Variants in ME1 observed in about 807,000 individuals in gnomAD.
ME1 encodes the protein malic enzyme 1, also known as NADP-dependent malic enzyme.
ME1 carries 74 observed loss-of-function variants against 66.4 expected under a neutral mutation model. That is an observed-to-expected ratio of 1.11 (90% confidence interval 0.92 to 1.35). ME1 has a LOEUF of 1.35. Among genes scored for constraint, ME1 ranks in the 40% most tolerant of loss-of-function variants. The pLI is 0.00. For synonymous variants in ME1, 251 were observed against 235.6 expected (o/e 1.07, Z -0.60); for missense variants, 750 against 694.1 (o/e 1.08, Z -0.90).
intron 3 of ME1, among the ~76,000 whole-genome samples, chr6:83,374,725 T>A (rs1297240445): frequency 6.6e-6 from 1 of 152,248 alleles, no homozygotes; most frequent in Non-Finnish European, 1.5e-5. Context: ...TTTCATGGTT[T>A]TTGGTTTTAC....
rs534172459 is a variant in ME1, at chr6:83,278,218, T to A, written c.705-24480A>T. ...CAGAACCGTGCAGCAAGAGCCAGTATCAGCAGCAAAGCTTTAAACTGTAAT... is the reference window on the plus strand; with the variant it reads ...CAGAACCGTGCAGCAAGAGCCAGTAACAGCAGCAAAGCTTTAAACTGTAAT... On this transcript the variant is annotated intron_variant, in intron 6 of 13. Transcript: ENST00000369705. Among the ~76,000 whole-genome samples, 25 of 152,226 alleles carry A rather than the reference T, an allele frequency of 1.6e-4. 1 individual carries two copies. Among genetic ancestry groups the A allele is most frequent in the Middle Eastern group, 6.8e-3 (2 of 294 alleles).
chr6:83,378,764 A>C (rs988030147), intron 3 of ME1, among the ~76,000 whole-genome samples: 1 of 151,702 alleles, frequency 6.6e-6, no homozygotes, highest in Non-Finnish European at 1.5e-5. Context: ...AACTGACTGA[A>C]CTGGCTTAAT....
At chr6:83,266,224 G>A (rs931535920) in intron 6 of ME1, among the ~76,000 whole-genome samples, 1 of 152,082 alleles carries the variant, frequency 6.6e-6, no homozygotes, top group Non-Finnish European at 1.5e-5. Context: ...AATTTAAAAA[G>A]GACTTTGCAT....
intron 6 of ME1, among the ~76,000 whole-genome samples, chr6:83,313,503 C>A (rs1767968296): frequency 6.6e-6 from 1 of 152,110 alleles, no homozygotes; most frequent in Non-Finnish European, 1.5e-5. Flanking sequence ...ATAAAAACTC[C>A]TTCTCCCCTT....
In ME1 at chr6:83,346,169, T is replaced by C. The variant is rs780491554; in HGVS notation, c.600+4A>G. On this transcript the variant is annotated splice_donor_region_variant and intron_variant, in intron 5 of 13. Transcript: ENST00000369705. ...TAGCTGCCTTATAGACGTAAATTAT[T>C]TACCTCATTTTCGGTTCCCACATCC... 43 of 1,599,910 alleles carry C rather than the reference T, an allele frequency of 2.7e-5. No homozygotes were observed. The highest frequency in any genetic ancestry group is 3.7e-5 in the Non-Finnish European group (43 of 1,171,858).
At chr6:83,345,342 C>T (rs1768666444) in intron 5 of ME1, among the ~76,000 whole-genome samples, 1 of 152,148 alleles carries the variant, frequency 6.6e-6, no homozygotes, top group Non-Finnish European at 1.5e-5. Context: ...ATGCATAGAT[C>T]AAGTTAAACA....
intron 2 of ME1, among the ~76,000 whole-genome samples, chr6:83,400,674 A>G (rs1373857268): frequency 6.6e-6 from 1 of 152,184 alleles, no homozygotes; most frequent in African/African-American, 2.4e-5. Context: ...CCTACATTCT[A>G]TTCTCAACAT....
chr6:83,277,907 T>TAATAATAAC lies in ME1; in HGVS notation c.705-24170_705-24169insGTTATTATT, dbSNP rs1452872459. ...ATAGTGAGACTGTATCTCAAAATAA[T>TAATAATAAC]AATAATAATAATAATAATAATATTT... On this transcript the variant is annotated intron_variant, in intron 6 of 13. Transcript: ENST00000369705. 2.3e-3 allele frequency among the ~76,000 whole-genome samples: 349 copies of TAATAATAAC among 149,550 alleles called. 4 individuals carry two copies. Among genetic ancestry groups the TAATAATAAC allele is most frequent in the African/African-American group, 8.0e-3 (328 of 40,762 alleles).
At chr6:83,403,472 T>C (rs2128551306) in intron 2 of ME1, among the ~76,000 whole-genome samples, 1 of 152,292 alleles carries the variant, frequency 6.6e-6, no homozygotes, top group Non-Finnish European at 1.5e-5. Context: ...GGCAGCTTTC[T>C]TAGGCCTCTT....
chr6:83,237,868 C>T, intron 8 of ME1, 38 bp from the exon 9 acceptor site: 5 of 1,116,304 alleles, frequency 4.5e-6, no homozygotes, highest in Admixed American at 2.2e-5. Flanking sequence ...AGTTGTTCTA[C>T]ATGATATCTT....
rs1789895292 is a variant in ME1, at chr6:83,211,912, TTTGCTATTATCCTACTGGTCAAC to T, written c.1708_*11del. ...GACCTCATTAATAGAGTTAGAAATG[TTTGCTATTATCCTACTGGTCAAC>T]TTTGGTCTGTATTTTCTGCACCTCT... On this transcript the variant is annotated stop_lost and 3_prime_UTR_variant, in exon 14 of 14. Transcript: ENST00000369705. 1 of 1,556,080 alleles carries T rather than the reference TTTGCTATTATCCTACTGGTCAAC, an allele frequency of 6.4e-7. No individual in the cohort carries two copies. Among genetic ancestry groups the T allele is most frequent in the African/African-American group, 1.4e-5 (1 of 73,054 alleles).
intron 1 of ME1, 87 bp from the exon 2 acceptor site, chr6:83,407,988 T>C (rs1440155627): frequency 1.4e-6 from 2 of 1,428,824 alleles, no homozygotes; most frequent in South Asian, 1.7e-5. Flanking sequence ...GACAAGTATA[T>C]GCAATTAAAA....
chr6:83,318,057 T>C (rs1768070672), intron 5 of ME1, among the ~76,000 whole-genome samples: 1 of 152,078 alleles, frequency 6.6e-6, no homozygotes, highest in African/African-American at 2.4e-5. Context: ...GGGGAAAGGA[T>C]TCCCTATTAA....
At chr6:83,421,361 C>T (rs900806568) in intron 1 of ME1, among the ~76,000 whole-genome samples, 10 of 152,282 alleles carry the variant, frequency 6.6e-5, no homozygotes, top group Admixed American at 2.0e-4. Context: ...GACTGAGTTT[C>T]ACACATTCAT....
chr6:83,383,163 T>C (rs1769441446), intron 3 of ME1, among the ~76,000 whole-genome samples: 1 of 151,756 alleles, frequency 6.6e-6, no homozygotes, highest in Admixed American at 6.6e-5. Flanking sequence ...CACACACATA[T>C]ATACTATTGG....
Position 83,268,728 on chromosome 6 carries a change from GTTA to G in ME1, c.705-14993_705-14991del, listed in dbSNP as rs57723634. Among the ~76,000 whole-genome samples, 1,280 of 143,752 alleles carry G rather than the reference GTTA, an allele frequency of 8.9e-3. 9 individuals are homozygous for G. Among genetic ancestry groups the G allele is most frequent in the South Asian group, 0.016 (70 of 4,416 alleles). The allele number at this position is 143,752 out of a possible 152,430, so 94.3% of individuals were successfully genotyped here. A position where few individuals can be genotyped will look rare whatever the true frequency, so the allele number is the denominator to read the frequency against. On this transcript the variant is annotated intron_variant, in intron 6 of 13. Transcript: ENST00000369705. ...CCACAGGCGCGCATCACCATGCCCC[GTTA>G]TTATTATTATTATTATTATTATTAT...
chr6:83,248,466 C>G (rs9449600), intron 7 of ME1, among the ~76,000 whole-genome samples: 1 of 152,072 alleles, frequency 6.6e-6, no homozygotes, highest in African/African-American at 2.4e-5. Context: ...TACATGGTAT[C>G]TTCAAGTTAG....
At chr6:83,355,991 T>C (rs1768882537) in intron 3 of ME1, among the ~76,000 whole-genome samples, 1 of 152,160 alleles carries the variant, frequency 6.6e-6, no homozygotes. Flanking sequence ...TGCTTTTTCA[T>C]ATATATAGTT....
intron 9 of ME1, among the ~76,000 whole-genome samples, chr6:83,234,407 C>A (rs1193342197): frequency 6.6e-6 from 1 of 152,140 alleles, no homozygotes; most frequent in African/African-American, 2.4e-5. Flanking sequence ...AATGGGACAT[C>A]TCTGTCTGAG....
Sources: allele counts gnomAD v4.1 joint callset (sites outside exome capture counted in the v4.1 genomes callset), GRCh38; gene constraint gnomAD v4.1.1; transcripts MANE v1.5; gene names NCBI Gene and HGNC (gene_info 2026-07-23, HGNC 2026-07-21).